DNAJC8: variants seen among roughly 807,000 people sequenced by gnomAD.
DNAJC8 encodes DnaJ heat shock protein family (Hsp40) member C8, also known as dnaJ homolog subfamily C member 8.
A neutral mutation model predicts 43.2 loss-of-function variants in DNAJC8; 24 were observed. The ratio of observed to expected loss-of-function variants is 0.56; its 90% CI spans 0.40 to 0.78. The LOEUF is 0.78. Among genes scored for constraint, DNAJC8 ranks in the 30% least tolerant of loss-of-function variants. The pLI, the probability that DNAJC8 is intolerant of heterozygous loss-of-function variation, is 0.00. For synonymous variants in DNAJC8, 83 were observed against 98.0 expected (o/e 0.85, Z 0.90); for missense variants, 207 against 299.4 (o/e 0.69, Z 2.28).
intron 2 of DNAJC8, among the ~76,000 whole-genome samples, chr1:28,225,772 G>A (rs1330247190): frequency 6.9e-6 from 1 of 145,048 alleles, no homozygotes; most frequent in Admixed American, 7.0e-5. Context: ...GCACAATCTC[G>A]GCTCACTGCA....
chr1:28,213,822 C>G (rs1646832555), intron 3 of DNAJC8, among the ~76,000 whole-genome samples: 1 of 152,078 alleles, frequency 6.6e-6, no homozygotes, highest in Admixed American at 6.6e-5. Flanking sequence ...TTGAGACCAG[C>G]CTGGGCAACA....
At chr1:28,209,925 G>C in intron 5 of DNAJC8, 47 bp downstream of exon 5, 1 of 1,574,486 alleles carries the variant, frequency 6.4e-7, no homozygotes, top group Middle Eastern at 1.7e-4. Context: ...AGGTGCCCAA[G>C]GCTTGCTGAT....
Position 28,209,405 on chromosome 1 carries a change from G to C in DNAJC8, c.399+567C>G, listed in dbSNP as rs577005594. 4.6e-5 allele frequency among the ~76,000 whole-genome samples: 7 copies of C among 152,260 alleles called. No individual in the cohort carries two copies. The East Asian group carries it at 1.2e-3, about 25-fold the overall frequency. On this transcript the variant is annotated intron_variant, in intron 5 of 8. Transcript: ENST00000263697. ...AAAAGACCTTTCTTACCTTGGGAAA[G>C]CCATACTGACATTTCCCACCACATT...
chr1:28,227,272 G>A (rs573104958), intron 2 of DNAJC8, among the ~76,000 whole-genome samples: 6 of 149,664 alleles, frequency 4.0e-5, no homozygotes, highest in Admixed American at 1.3e-4. Context: ...AGCCAAGCAT[G>A]GAGGCAGGCA....
intron 2 of DNAJC8, among the ~76,000 whole-genome samples, chr1:28,217,582 A>T (rs1646867036): frequency 6.6e-6 from 1 of 152,116 alleles, no homozygotes; most frequent in Non-Finnish European, 1.5e-5. Flanking sequence ...GGAAGAGCGA[A>T]GTCACGTAAG....
chr1:28,225,705 A>ATTT lies in DNAJC8; in HGVS notation c.180+3214_180+3216dup, dbSNP rs199980896. ...AAACTAAAAAAAAATTTAAATGGTA[A>ATTT]TTTTTTTTTTTTTTTTTGAGACAGT... On this transcript the variant is annotated intron_variant, in intron 2 of 8. Transcript: ENST00000263697. 1.0e-2 allele frequency among the ~76,000 whole-genome samples: 1,369 copies of ATTT among 137,488 alleles called. 50 individuals are homozygous for ATTT. Among genetic ancestry groups the ATTT allele is most frequent in the African/African-American group, 0.032 (1,187 of 36,684 alleles). 90.2% of individuals were successfully genotyped at this position (137,488 alleles called of 152,430 possible).
chr1:28,202,588 C>G (rs28540800), intron 8 of DNAJC8, among the ~76,000 whole-genome samples: 1 of 89,678 alleles, frequency 1.1e-5, no homozygotes. Flanking sequence ...CTTTTTTTTT[C>G]TTTTTTTTTT....
rs1363728385 is a variant in DNAJC8, at chr1:28,201,082, T to G, written c.*166A>C. On this transcript the variant is annotated 3_prime_UTR_variant, in exon 9 of 9. Coordinates refer to ENST00000263697, the MANE Select transcript of DNAJC8 (RefSeq NM_014280.3). ...TTTTAAACCAAGCCCCTCATTTCAA[T>G]GTACAAAAGAATTACTCTGATCGAT... 1 of 1,025,322 alleles carries G rather than the reference T, an allele frequency of 9.8e-7. No individual in the cohort carries two copies. Among genetic ancestry groups the G allele is most frequent in the Non-Finnish European group, 1.4e-6 (1 of 715,032 alleles). 63.5% of individuals were successfully genotyped at this position (1,025,322 alleles called of 1,614,324 possible).
At position 28,220,868 on chromosome 1, in the gene DNAJC8, T is replaced by C. The variant is rs1185520124; in HGVS notation, c.181-5872A>G. ...CAGGTCTGTTCAGATTCTTGGAAGG[T>C]TTTTCTGAACTCCTGTTGCGTCTCA... On this transcript the variant is annotated intron_variant, in intron 2 of 8. Transcript: ENST00000263697. Among the ~76,000 whole-genome samples the C allele has an allele frequency of 2.0e-5, 3 of 151,950 alleles. No homozygotes were observed. In the East Asian group the frequency reaches 5.8e-4, roughly 29 times the overall value.
chr1:28,210,286 T>A, intron 4 of DNAJC8: 1 of 571,262 alleles, frequency 1.8e-6, no homozygotes, highest in South Asian at 2.3e-5. Context: ...ATACACTACA[T>A]CTGGATTTAA....
At chr1:28,209,543 T>C (rs1646795116) in intron 5 of DNAJC8, among the ~76,000 whole-genome samples, 1 of 152,222 alleles carries the variant, frequency 6.6e-6, no homozygotes, top group South Asian at 2.1e-4. Context: ...AACCTCCTCC[T>C]ATTTTAAAAA....
At chr1:28,213,826 G>A (rs1473843319) in intron 3 of DNAJC8, among the ~76,000 whole-genome samples, 2 of 152,036 alleles carry the variant, frequency 1.3e-5, no homozygotes, top group African/African-American at 4.8e-5. Flanking sequence ...GACCAGCCTG[G>A]GCAACATGGC....
At chr1:28,215,099 A>G (rs557316738) in intron 2 of DNAJC8, 103 bp from the exon 3 acceptor site, 237 of 920,708 alleles carry the variant, frequency 2.6e-4, no homozygotes, top group Middle Eastern at 3.5e-4. Context: ...CATCTAGAAT[A>G]GTACCCCATG....
chr1:28,200,969 G>A lies in DNAJC8; in HGVS notation c.*279C>T, dbSNP rs1004757217. On this transcript the variant is annotated 3_prime_UTR_variant, in exon 9 of 9. Transcript: ENST00000263697. ...AATTCAGTGAAGTACAAAACACTGA[G>A]TTACAGGCTGTGGGAAGAGAAGGCA... 2 of 451,524 alleles carry A rather than the reference G, an allele frequency of 4.4e-6. No individual in the cohort carries two copies. Among genetic ancestry groups the A allele is most frequent in the African/African-American group, 4.0e-5 (2 of 50,298 alleles). The allele number at this position is 451,524 out of a possible 1,614,324, so 28.0% of individuals were successfully genotyped here.
At chr1:28,214,602 T>C (rs957262737) in intron 3 of DNAJC8, among the ~76,000 whole-genome samples, 3 of 152,146 alleles carry the variant, frequency 2.0e-5, no homozygotes, top group African/African-American at 7.2e-5. Flanking sequence ...AAATGTGCTA[T>C]GAATCATTTG....
chr1:28,201,355 G>A lies in DNAJC8; in HGVS notation c.655C>T (p.Arg219Cys). The change falls in exon 9 of 9, where the codon CGT (arginine) becomes TGT (cysteine). Residue 219 changes from arginine (R) to cysteine (C), a missense_variant. Physicochemically the swap from Arg to Cys is radical, Grantham distance 180 (BLOSUM62 -3). Around this residue, in one of 2 missense-constraint regions of DNAJC8, gnomAD observed 159 missense variants for 267.5 expected, o/e 0.59. Transcript: ENST00000263697. ...QKNFEESRDG[R>C]VDSWRNFQAN... ...TGGAAGTTTCGCCAGCTGTCCACAC[G>A]ACCATCTCGACTTTCCTAAGTACAA... 5 of 1,613,738 alleles carry A rather than the reference G, an allele frequency of 3.1e-6. No individual in the cohort carries two copies. Among genetic ancestry groups the A allele is most frequent in the South Asian group, 1.1e-5 (1 of 91,038 alleles).
At chr1:28,216,782 CT>C (rs1207673989) in intron 2 of DNAJC8, among the ~76,000 whole-genome samples, 1 of 148,072 alleles carries the variant, frequency 6.8e-6, no homozygotes, top group South Asian at 2.1e-4. Flanking sequence ...TTATTACAGG[CT>C]TTTTTTGTGA....
Position 28,210,604 on chromosome 1 carries a change from C to T in DNAJC8, c.271G>A (p.Asp91Asn). Reference sequence around the variant, plus strand: ...GCCTTTTGTGCTCTGTCAGCATCATCTTGATTTTTGTCAGGATGCACCAAG... The same window carrying T: ...GCCTTTTGTGCTCTGTCAGCATCATTTTGATTTTTGTCAGGATGCACCAAG... ...SILVHPDKNQDDADRAQKAFE... is the reference protein window; with the variant it reads ...SILVHPDKNQNDADRAQKAFE... Residue 91 changes from aspartate (D) to asparagine (N), a missense_variant, in exon 4 of 9, where the codon GAT (aspartate) becomes AAT (asparagine). Physicochemically the swap from Asp to Asn is conservative, Grantham distance 23. Transcript: ENST00000263697. 6.2e-7 allele frequency: 1 copy of T among 1,613,934 alleles called. No homozygotes were observed. Among genetic ancestry groups the T allele is most frequent in the Non-Finnish European group, 8.5e-7 (1 of 1,179,910 alleles).
chr1:28,201,348 T>G lies in DNAJC8; in HGVS notation c.662A>C (p.Asp221Ala). The G allele has an allele frequency of 6.2e-7, 1 of 1,613,966 alleles. No individual in the cohort carries two copies. Among genetic ancestry groups the G allele is most frequent in the Non-Finnish European group, 8.5e-7 (1 of 1,180,018 alleles). ...ATTGGCTTGGAAGTTTCGCCAGCTG[T>G]CCACACGACCATCTCGACTTTCCTA... is the stretch of plus-strand genomic sequence containing the variant. ...NFEESRDGRV[D>A]SWRNFQANTK... The change falls in exon 9 of 9, where the codon GAC (aspartate) becomes GCC (alanine). Residue 221 changes from aspartate (D) to alanine (A), a missense_variant. Around this residue, in one of 2 missense-constraint regions of DNAJC8, gnomAD observed 159 missense variants for 267.5 expected, o/e 0.59. Transcript: ENST00000263697.
Sources: allele counts gnomAD v4.1 joint callset (sites outside exome capture counted in the v4.1 genomes callset), GRCh38; gene constraint gnomAD v4.1.1; regional missense constraint gnomAD v4.1.1; transcripts MANE v1.5; gene names NCBI Gene and HGNC (gene_info 2026-07-23, HGNC 2026-07-21).